The following WAC variants were observed in gnomAD, a reference collection of about 807,000 sequenced individuals.
WAC encodes WW domain containing adaptor with coiled-coil, also known as WW domain-containing adapter protein with coiled-coil.
Under a neutral mutation model 79.6 loss-of-function variants are expected in WAC, and 11 were observed. That is an observed-to-expected ratio of 0.14 (90% confidence interval 0.09 to 0.23). The LOEUF (loss-of-function observed/expected upper bound fraction) is 0.23. Among genes scored for constraint, WAC ranks in the 10% least tolerant of loss-of-function variants. WAC has a pLI of 1.00. For missense variants in WAC, 728 were observed against 773.5 expected, an observed-to-expected ratio of 0.94 and a Z score of 0.70; for synonymous variants, 304 against 276.9, an observed-to-expected ratio of 1.10 and a Z score of -0.97.
intron 5 of WAC, 29 bp downstream of exon 5, chr10:28,589,880 T>A: frequency 6.7e-7 from 1 of 1,490,968 alleles, no homozygotes. Flanking sequence ...AATTAAACAT[T>A]ATTTCTCTAG....
chr10:28,622,438 C>CCCCCCCCCCCCCCCCCCCCA lies in WAC; in HGVS notation c.*2838_*2839insCCCCCCCCCCCCCACCCCCC, dbSNP rs1841727917. On this transcript the variant is annotated 3_prime_UTR_variant, in exon 14 of 14. Transcript: ENST00000354911. ...TTCCCTCCCCCTGCCCCCCCCCCCC[C>CCCCCCCCCCCCCCCCCCCCA]CCCCCCGTTTTAAAAGATCAGTAGT... 1 of 39,468 alleles carries CCCCCCCCCCCCCCCCCCCCA rather than the reference C, an allele frequency of 2.5e-5. No homozygotes were observed. The allele number at this position is 39,468 out of a possible 1,614,324, so 2.4% of individuals were successfully genotyped here. A position where few individuals can be genotyped will look rare whatever the true frequency, so the allele number is the denominator to read the frequency against.
In WAC at chr10:28,533,910, G is replaced by A. The variant is rs1283309244; in HGVS notation, c.42-88G>A. The A allele has an allele frequency of 2.7e-6, 4 of 1,507,188 alleles. No homozygotes were observed. In the Admixed American group the frequency reaches 7.1e-5, roughly 27 times the overall value. The allele number at this position is 1,507,188 out of a possible 1,614,324, so 93.4% of individuals were successfully genotyped here. A position where few individuals can be genotyped will look rare whatever the true frequency, so the allele number is the denominator to read the frequency against. ...GGGCGCTCGGTAGGTCTCCCGCGGG[G>A]AGGGGCGGCGGGGGCCCCGTTTTCT... On this transcript the variant is annotated intron_variant, in intron 1 of 13. Coordinates refer to ENST00000354911, the MANE Select transcript of WAC (RefSeq NM_016628.5).
chr10:28,567,377 T>C (rs1366453541), intron 3 of WAC, among the ~76,000 whole-genome samples: 1 of 152,180 alleles, frequency 6.6e-6, no homozygotes, highest in African/African-American at 2.4e-5. Context: ...GTCTTACTCT[T>C]TTGGACACTA....
chr10:28,544,932 G>A (rs1837267789), intron 3 of WAC, among the ~76,000 whole-genome samples: 1 of 151,730 alleles, frequency 6.6e-6, no homozygotes, highest in Admixed American at 6.6e-5. Context: ...GGGCGTGGTG[G>A]TGCATACCTG....
At chr10:28,542,445 T>A (rs1421047879) in intron 3 of WAC, among the ~76,000 whole-genome samples, 1 of 152,208 alleles carries the variant, frequency 6.6e-6, no homozygotes, top group African/African-American at 2.4e-5. Flanking sequence ...ACATTGTCAG[T>A]GACACATTTT....
intron 7 of WAC, 124 bp downstream of exon 7, chr10:28,596,165 T>C: frequency 9.4e-7 from 1 of 1,059,060 alleles, no homozygotes; most frequent in Non-Finnish European, 1.3e-6. Context: ...TCTTTTAGAA[T>C]GTTTCTGTGT....
rs142034998 is a variant in WAC at position 28,561,404 on chromosome 10, A to G, written c.275-21995A>G. 2.1e-3 allele frequency among the ~76,000 whole-genome samples: 313 copies of G among 152,254 alleles called. 2 individuals carry two copies. The highest frequency in any genetic ancestry group is 7.3e-3 in the African/African-American group (302 of 41,554). ...ATTTTGTCATTCCCATAATTTGACT[A>G]TCTTGTTTCTAGTTTGGATTTATCC... On this transcript the variant is annotated intron_variant, in intron 3 of 13. Coordinates refer to ENST00000354911, the MANE Select transcript of WAC (RefSeq NM_016628.5).
intron 11 of WAC, chr10:28,615,866 G>T: frequency 4.3e-6 from 1 of 232,440 alleles, no homozygotes; most frequent in Non-Finnish European, 8.4e-6. Context: ...CTGTTAAAAT[G>T]TGACTTTTTT....
At chr10:28,582,606 T>G (rs903779345) in intron 3 of WAC, among the ~76,000 whole-genome samples, 1 of 152,216 alleles carries the variant, frequency 6.6e-6, no homozygotes, top group African/African-American at 2.4e-5. Context: ...TATGTTACTT[T>G]GTTGCTGAAA....
At chr10:28,576,676 T>C (rs1288069249) in intron 3 of WAC, among the ~76,000 whole-genome samples, 1 of 152,210 alleles carries the variant, frequency 6.6e-6, no homozygotes, top group Admixed American at 6.5e-5. Flanking sequence ...TATAAGCAGC[T>C]TGTTTTCAGA....
chr10:28,579,141 TACTC>T (rs1463587281), intron 3 of WAC, among the ~76,000 whole-genome samples: 5 of 152,164 alleles, frequency 3.3e-5, no homozygotes, highest in South Asian at 4.1e-4. Flanking sequence ...TTATCCCACT[TACTC>T]ACTGATACAG....
At chr10:28,539,677 A>G (rs1322972962) in intron 3 of WAC, among the ~76,000 whole-genome samples, 4 of 151,818 alleles carry the variant, frequency 2.6e-5, no homozygotes, top group Admixed American at 2.6e-4. Context: ...TTCTGCCTTA[A>G]TGTCCCAAGT....
At position 28,622,469 on chromosome 10, in the gene WAC, T is replaced by C. The variant is rs1442133252; in HGVS notation, c.*2863T>C. ...CGTTTTAAAAGATCAGTAGTCTCTA[T>C]TCAAACTTTTAAAATGTCGTGGTAT... On this transcript the variant is annotated 3_prime_UTR_variant, in exon 14 of 14. Transcript: ENST00000354911. 1 of 113,410 alleles carries C rather than the reference T, an allele frequency of 8.8e-6. No homozygotes were observed. The highest frequency in any genetic ancestry group is 3.0e-4 in the East Asian group (1 of 3,356). 7.0% of individuals were successfully genotyped at this position (113,410 alleles called of 1,614,324 possible).
At position 28,533,990 on chromosome 10, in the gene WAC, T is replaced by G; in HGVS notation, c.42-8T>G. 6.2e-7 allele frequency: 1 copy of G among 1,605,512 alleles called. No individual in the cohort carries two copies. Among genetic ancestry groups the G allele is most frequent in the Non-Finnish European group, 8.5e-7 (1 of 1,176,254 alleles). On this transcript the variant is annotated splice_region_variant and splice_polypyrimidine_tract_variant and intron_variant, in intron 1 of 13. Transcript: ENST00000354911. ...CTTATGTCGCTGCCTTCTCTTCCTG[T>G]TTTTCAGCTGTCACGACCGGAGGGG...
At chr10:28,596,113 A>G in intron 7 of WAC, 72 bp downstream of exon 7, 2 of 1,435,514 alleles carry the variant, frequency 1.4e-6, no homozygotes, top group Non-Finnish European at 1.9e-6. Flanking sequence ...CTTATATATT[A>G]CATTATTTCC....
At chr10:28,563,761 T>G (rs1369991709) in intron 3 of WAC, among the ~76,000 whole-genome samples, 23 of 110,228 alleles carry the variant, frequency 2.1e-4, no homozygotes, top group Non-Finnish European at 3.3e-4. Flanking sequence ...TTTTTTTTTT[T>G]TTTTTTTTTT....
intron 3 of WAC, among the ~76,000 whole-genome samples, chr10:28,563,040 C>T (rs1338155454): frequency 6.6e-6 from 1 of 152,076 alleles, no homozygotes; most frequent in Non-Finnish European, 1.5e-5. Context: ...GTACAAAGAA[C>T]TATATTACTC....
intron 3 of WAC, among the ~76,000 whole-genome samples, chr10:28,541,219 G>C (rs759437697): frequency 6.6e-6 from 1 of 151,856 alleles, no homozygotes; most frequent in Non-Finnish European, 1.5e-5. Flanking sequence ...ATTCTAATTT[G>C]TGTCTATTAA....
chr10:28,622,424 TGCCCCCCC>T lies in WAC; in HGVS notation c.*2819_*2826del, dbSNP rs1564427173. On this transcript the variant is annotated 3_prime_UTR_variant, in exon 14 of 14. Coordinates refer to ENST00000354911, the MANE Select transcript of WAC (RefSeq NM_016628.5). ...AACTTGAGTGGCCTTTCCCTCCCCC[TGCCCCCCC>T]CCCCCCCCCCCCGTTTTAAAAGATC... 1.3e-3 allele frequency: 1 copy of T among 746 alleles called. No individual in the cohort carries two copies. Among genetic ancestry groups the T allele is most frequent in the African/African-American group, 2.6e-3 (1 of 382 alleles). The allele number at this position is 746 out of a possible 1,614,324, so 0.0% of individuals were successfully genotyped here.
Sources: gnomAD v4.1 joint callset for allele counts (sites outside exome capture counted in the v4.1 genomes callset) on GRCh38, gnomAD v4.1.1 for gene constraint, MANE v1.5 for transcripts, NCBI Gene and HGNC (gene_info 2026-07-23, HGNC 2026-07-21) for gene names.